Variants in TMC1 observed in about 807,000 individuals in gnomAD.
The protein encoded by TMC1 is transmembrane channel-like protein 1.
A neutral mutation model predicts 105.8 loss-of-function variants in TMC1; 84 were observed. The ratio of observed to expected loss-of-function variants is 0.79; its 90% CI spans 0.67 to 0.95. TMC1 has a LOEUF of 0.95. Ranked by LOEUF, TMC1 falls within the 40% of genes least tolerant of loss-of-function variation. The probability of loss-of-function intolerance (pLI) is 0.00; values close to 1 mark genes in which losing one functional copy is unlikely to be tolerated. For synonymous variants in TMC1, 315 were observed against 311.5 expected (o/e 1.01, Z -0.12); for missense variants, 817 against 914.1 (o/e 0.89, Z 1.37).
chr9:72,738,503 C>T (rs750321135), intron 8 of TMC1, among the ~76,000 whole-genome samples: 6 of 152,168 alleles, frequency 3.9e-5, no homozygotes, highest in African/African-American at 9.6e-5. Flanking sequence ...CTGCAACCTC[C>T]GCCTCCCAGG....
chr9:72,651,394 C>T (rs1448395952), intron 5 of TMC1: 1 of 152,036 alleles, frequency 6.6e-6, no homozygotes. Context: ...CTGTAAGATC[C>T]TAGATCCCAC....
intron 1 of TMC1, among the ~76,000 whole-genome samples, chr9:72,576,139 T>A (rs945281969): frequency 6.6e-6 from 1 of 152,180 alleles, no homozygotes; most frequent in African/African-American, 2.4e-5. Context: ...CAAACTAAGC[T>A]GTAGGAAATC....
chr9:72,556,918 G>A (rs11143328), intron 1 of TMC1, among the ~76,000 whole-genome samples: 1,818 of 152,270 alleles, frequency 0.012, 26 homozygotes, highest in African/African-American at 0.033. Flanking sequence ...GGACATTTTT[G>A]GTTGTCACAT....
intron 5 of TMC1, among the ~76,000 whole-genome samples, chr9:72,665,011 T>C (rs954149253): frequency 6.6e-6 from 1 of 152,144 alleles, no homozygotes; most frequent in African/African-American, 2.4e-5. Context: ...CTCCCTCTCC[T>C]ATAACAGGCT....
intron 12 of TMC1, among the ~76,000 whole-genome samples, chr9:72,756,581 T>A (rs1827679792): frequency 6.6e-6 from 1 of 152,214 alleles, no homozygotes; most frequent in Non-Finnish European, 1.5e-5. Flanking sequence ...ACCACTGTTT[T>A]AATTTCTCAT....
At chr9:72,548,508 G>T (rs1438503353) in intron 1 of TMC1, among the ~76,000 whole-genome samples, 2 of 150,838 alleles carry the variant, frequency 1.3e-5, no homozygotes, top group Non-Finnish European at 1.5e-5. Context: ...AACCCGGGAG[G>T]TTCATTCAAG....
intron 4 of TMC1, among the ~76,000 whole-genome samples, chr9:72,642,740 C>T (rs767204124): frequency 9.9e-5 from 15 of 152,140 alleles, no homozygotes; most frequent in Non-Finnish European, 1.8e-4. Context: ...ACTTTTTCTT[C>T]GTAGTCAGAT....
chr9:72,649,811 G>A (rs188158904), intron 5 of TMC1, among the ~76,000 whole-genome samples: 2 of 152,242 alleles, frequency 1.3e-5, no homozygotes, highest in East Asian at 3.9e-4. Flanking sequence ...TCAACCCTGG[G>A]ATCTTCAAGT....
intron 2 of TMC1, among the ~76,000 whole-genome samples, chr9:72,582,671 G>C (rs1824494096): frequency 6.6e-6 from 1 of 152,026 alleles, no homozygotes; most frequent in Non-Finnish European, 1.5e-5. Context: ...CAATGAATGG[G>C]GTAAATCAAA....
intron 2 of TMC1, among the ~76,000 whole-genome samples, chr9:72,603,859 T>G (rs575429011): frequency 0.028 from 3,936 of 140,436 alleles, 78 homozygotes; most frequent in Middle Eastern, 0.068. Context: ...TTTTTTTTTT[T>G]TTTTTTTTTT....
chr9:72,549,844 C>T (rs1823831833), intron 1 of TMC1, among the ~76,000 whole-genome samples: 1 of 151,856 alleles, frequency 6.6e-6, no homozygotes, highest in African/African-American at 2.4e-5. Flanking sequence ...GAACTCCTGA[C>T]CTCGTGATCC....
chr9:72,765,601 G>A (rs1339525282), intron 12 of TMC1, among the ~76,000 whole-genome samples: 2 of 150,378 alleles, frequency 1.3e-5, no homozygotes, highest in Non-Finnish European at 2.9e-5. Context: ...TTCATATTTA[G>A]GGAGAAAGGA....
At chr9:72,686,132 A>G (rs535066697) in intron 5 of TMC1, among the ~76,000 whole-genome samples, 3 of 152,150 alleles carry the variant, frequency 2.0e-5, no homozygotes, top group Non-Finnish European at 4.4e-5. Flanking sequence ...TCCTCTTTTA[A>G]CTACACATAC....
chr9:72,826,101 T>C (rs1456518509), intron 20 of TMC1, among the ~76,000 whole-genome samples: 1 of 152,198 alleles, frequency 6.6e-6, no homozygotes, highest in Non-Finnish European at 1.5e-5. Flanking sequence ...CCAACCCAAA[T>C]CTCTTCTGAA....
chr9:72,722,695 T>C (rs1318313327), intron 8 of TMC1, among the ~76,000 whole-genome samples: 3 of 152,190 alleles, frequency 2.0e-5, no homozygotes. Context: ...TTAATGTCTT[T>C]TTTGTTGGAC....
chr9:72,584,078 A>G (rs1824513619), intron 2 of TMC1, among the ~76,000 whole-genome samples: 2 of 152,210 alleles, frequency 1.3e-5, no homozygotes, highest in African/African-American at 4.8e-5. Context: ...CTATAGAAGG[A>G]GAAAGAAATA....
chr9:72,731,980 G>T (rs376434276), intron 8 of TMC1, among the ~76,000 whole-genome samples: 1 of 152,144 alleles, frequency 6.6e-6, no homozygotes. Flanking sequence ...ACTTTTTAAT[G>T]AAATTGTAAA....
At chr9:72,567,682 G>T (rs1257669963) in intron 1 of TMC1, among the ~76,000 whole-genome samples, 15 of 152,250 alleles carry the variant, frequency 9.9e-5, no homozygotes, top group Admixed American at 9.2e-4. Context: ...GCCTCTACCT[G>T]GTTCCACCCT....
At chr9:72,804,159 A>G (rs1828528024) in intron 17 of TMC1, among the ~76,000 whole-genome samples, 1 of 152,140 alleles carries the variant, frequency 6.6e-6, no homozygotes, top group African/African-American at 2.4e-5. Context: ...ATATGTTCTC[A>G]CTCATAAGTG....
Sources: gnomAD v4.1 joint callset for allele counts (sites outside exome capture counted in the v4.1 genomes callset) on GRCh38, gnomAD v4.1.1 for gene constraint, MANE v1.5 for transcripts, NCBI Gene and HGNC (gene_info 2026-07-23, HGNC 2026-07-21) for gene names.